Variants in OR2I1 observed in about 807,000 individuals in gnomAD.
The protein encoded by OR2I1 is olfactory receptor family 2 subfamily I member 1 (gene/pseudogene), also known as putative olfactory receptor 2I1.
At chr6:29,551,198 G>A in the OR2I1 span, among the ~76,000 whole-genome samples, 1 of 152,190 alleles carries the variant, frequency 6.6e-6, no homozygotes, top group Non-Finnish European at 1.5e-5. Context: ...TTGACCTTTT[G>A]TAACTCAACA....
At chr6:29,553,263 T>A in the OR2I1 span, 1 of 398,802 alleles carries the variant, frequency 2.5e-6, no homozygotes, top group Non-Finnish European at 4.4e-6. Context: ...TCCTGCTGGG[T>A]TTCTCCGACT....
At chr6:29,553,585 G>C in the OR2I1 span, 25 of 398,368 alleles carry the variant, frequency 6.3e-5, no homozygotes, top group South Asian at 3.2e-3. Flanking sequence ...GGACCGCGCG[G>C]CCGCAGTGTG....
chr6:29,556,405 TCTA>T, the OR2I1 span: 1 of 1,354,128 alleles, frequency 7.4e-7, no homozygotes, highest in Non-Finnish European at 1.0e-6. Context: ...CCTTTACACT[TCTA>T]CTCCCCACCA....
At chr6:29,553,621 G>C in the OR2I1 span, 1 of 398,278 alleles carries the variant, frequency 2.5e-6, no homozygotes, top group African/African-American at 2.1e-5. Flanking sequence ...TGCGGGGCTC[G>C]TCTCCCCGCG....
At chr6:29,550,914 T>C in the OR2I1 span, 1 of 152,322 alleles carries the variant, frequency 6.6e-6, no homozygotes, top group African/African-American at 2.4e-5. Flanking sequence ...AGAGCCACAT[T>C]CTGAAATACC....
chr6:29,557,455 T>G, the OR2I1 span: 1 of 152,246 alleles, frequency 6.6e-6, no homozygotes, highest in African/African-American at 2.4e-5. Flanking sequence ...CTGCTTCACC[T>G]TTTCATGTAT....
At chr6:29,556,344 C>T in the OR2I1 span, 91 of 1,609,458 alleles carry the variant, frequency 5.7e-5, 1 homozygote, top group Admixed American at 5.7e-4. Context: ...TCGGAACGGA[C>T]ATGCACCTGG....
At chr6:29,553,583 C>A in the OR2I1 span, 5 of 398,240 alleles carry the variant, frequency 1.3e-5, no homozygotes, top group Non-Finnish European at 2.2e-5. Flanking sequence ...CTGGACCGCG[C>A]GGCCGCAGTG....
the OR2I1 span, chr6:29,555,860 A>C: frequency 1.9e-6 from 3 of 1,598,296 alleles, no homozygotes. Flanking sequence ...ACCCCTGCCA[A>C]CACCCCATGC....
chr6:29,556,818 G>GCA, the OR2I1 span: 9 of 158,358 alleles, frequency 5.7e-5, no homozygotes, highest in African/African-American at 1.9e-4. Flanking sequence ...TTAGCCAGTA[G>GCA]TGGTGGCAAG....
the OR2I1 span, chr6:29,557,424 C>T: frequency 2.0e-5 from 3 of 152,218 alleles, no homozygotes; most frequent in Non-Finnish European, 2.9e-5. Flanking sequence ...AGAAGCTGTG[C>T]ATTTGAATGC....
At chr6:29,555,413 A>G in the OR2I1 span, 3 of 158,510 alleles carry the variant, frequency 1.9e-5, no homozygotes, top group African/African-American at 4.8e-5. Context: ...TCATTTCACT[A>G]TGCTCTATAA....
At chr6:29,552,316 T>C in the OR2I1 span, among the ~76,000 whole-genome samples, 3 of 152,226 alleles carry the variant, frequency 2.0e-5, no homozygotes, top group African/African-American at 7.2e-5. Context: ...CCCCATATCA[T>C]ATAACTGGCT....
At chr6:29,556,932 G>C in the OR2I1 span, 1 of 152,808 alleles carries the variant, frequency 6.5e-6, no homozygotes, top group Non-Finnish European at 1.5e-5. Flanking sequence ...ACTCCAGCCA[G>C]GGCAACAGAG....
the OR2I1 span, chr6:29,552,987 T>G: frequency 2.8e-6 from 1 of 361,530 alleles, no homozygotes. Flanking sequence ...GAGGTGATCA[T>G]TCTGCCTACC....
At chr6:29,556,355 G>A in the OR2I1 span, 1 of 1,606,280 alleles carries the variant, frequency 6.2e-7, no homozygotes, top group Non-Finnish European at 8.5e-7. Flanking sequence ...ATGCACCTGG[G>A]AAGTGAAAGC....
At chr6:29,555,461 A>G in the OR2I1 span, 1 of 176,438 alleles carries the variant, frequency 5.7e-6, no homozygotes, top group African/African-American at 2.4e-5. Flanking sequence ...ATTGAGTGAT[A>G]TAAATAAAGC....
the OR2I1 span, chr6:29,550,443 T>C: frequency 1.3e-5 from 2 of 152,082 alleles, no homozygotes; most frequent in African/African-American, 2.4e-5. Context: ...TCTCTAACTG[T>C]GTCCTTTAGA....
At chr6:29,554,071 C>G in the OR2I1 span, 24 of 397,788 alleles carry the variant, frequency 6.0e-5, no homozygotes, top group Non-Finnish European at 1.0e-4. Context: ...CACACCTGCT[C>G]TCAACCCGCT....
Sources: gnomAD v4.1 joint callset for allele counts (sites outside exome capture counted in the v4.1 genomes callset) on GRCh38, gnomAD v4.1.1 for gene constraint, MANE v1.5 for transcripts, NCBI Gene and HGNC (gene_info 2026-07-23, HGNC 2026-07-21) for gene names.